Variants in RAPGEF4 observed in about 807,000 individuals in gnomAD.
RAPGEF4 encodes the protein RAP guanine-nucleotide-exchange factor (GEF) 4.
Under a neutral mutation model 147.9 loss-of-function variants are expected in RAPGEF4, and 66 were observed. The observed-to-expected ratio is 0.45, with a 90% confidence interval of 0.37 to 0.55. The LOEUF (loss-of-function observed/expected upper bound fraction) is 0.55. Among genes scored for constraint, RAPGEF4 ranks in the 20% least tolerant of loss-of-function variants. The pLI, the probability that RAPGEF4 is intolerant of heterozygous loss-of-function variation, is 0.00. For synonymous variants in RAPGEF4, 419 were observed against 442.7 expected (o/e 0.95, Z 0.67); for missense variants, 1,071 against 1,257.3 (o/e 0.85, Z 2.24).
Position 172,961,139 on chromosome 2 carries a change from C to T in RAPGEF4, c.609C>T (p.Ile203=). 1 of 1,610,392 alleles carries T rather than the reference C, an allele frequency of 6.2e-7. No homozygotes were observed. Among genetic ancestry groups the T allele is most frequent in the Non-Finnish European group, 8.5e-7 (1 of 1,176,598 alleles). Residue 203 remains isoleucine (I), a synonymous_variant, in exon 8 of 31, where the codon ATC becomes ATT. Coordinates refer to ENST00000397081, the MANE Select transcript of RAPGEF4 (RefSeq NM_007023.4). ...NTITKVPSEK[I]LRAGKILRNA... ...CAATCCAGGTCCCTTCAGAGAAGAT[C>T]CTCAGAGCTGGAAAAATTTTACGAA... is the stretch of plus-strand genomic sequence containing the variant.
intron 1 of RAPGEF4, among the ~76,000 whole-genome samples, chr2:172,751,828 C>CT (rs1695322472): frequency 6.6e-6 from 1 of 152,054 alleles, no homozygotes; most frequent in Non-Finnish European, 1.5e-5. Context: ...GTAACAAGGC[C>CT]TTTTTTTGGG....
intron 10 of RAPGEF4, among the ~76,000 whole-genome samples, chr2:172,973,029 T>C (rs1254336791): frequency 1.3e-5 from 2 of 152,194 alleles, no homozygotes; most frequent in Non-Finnish European, 2.9e-5. Flanking sequence ...TAAATAGGTG[T>C]GTTCTCTGAA....
At chr2:172,936,508 AT>A (rs1355842935) in intron 6 of RAPGEF4, among the ~76,000 whole-genome samples, 10 of 152,046 alleles carry the variant, frequency 6.6e-5, no homozygotes, top group Middle Eastern at 3.4e-3. Context: ...TTTCAATTAA[AT>A]TTTTTTAAGG....
intron 8 of RAPGEF4, among the ~76,000 whole-genome samples, chr2:172,963,619 A>T (rs1314492407): frequency 6.6e-6 from 1 of 152,184 alleles, no homozygotes; most frequent in Non-Finnish European, 1.5e-5. Flanking sequence ...TGTCTGTTCC[A>T]TGCCCTGTGA....
intron 23 of RAPGEF4, among the ~76,000 whole-genome samples, chr2:173,024,227 T>C (rs1236534595): frequency 7.2e-6 from 1 of 139,502 alleles, no homozygotes; most frequent in East Asian, 2.2e-4. Context: ...TATTTTTTTT[T>C]TTTTTTTTGA....
At chr2:172,775,157 G>A (rs1684040489) in intron 1 of RAPGEF4, among the ~76,000 whole-genome samples, 3 of 152,136 alleles carry the variant, frequency 2.0e-5, no homozygotes, top group African/African-American at 7.2e-5. Flanking sequence ...GTATCCTATT[G>A]CTAAATGGAC....
intron 4 of RAPGEF4, among the ~76,000 whole-genome samples, chr2:172,857,764 C>T (rs1186054850): frequency 6.6e-6 from 1 of 151,622 alleles, no homozygotes; most frequent in Non-Finnish European, 1.5e-5. Flanking sequence ...CCTGCAGTCC[C>T]AGATACCTGG....
chr2:172,851,042 A>T (rs1384283561), intron 4 of RAPGEF4, among the ~76,000 whole-genome samples: 1 of 152,122 alleles, frequency 6.6e-6, no homozygotes, highest in Non-Finnish European at 1.5e-5. Context: ...TTAGGTTGTT[A>T]ATCTGAGATC....
chr2:172,748,507 A>G (rs1453964298), intron 1 of RAPGEF4, among the ~76,000 whole-genome samples: 2 of 152,150 alleles, frequency 1.3e-5, no homozygotes, highest in Admixed American at 1.3e-4. Context: ...CTTATCCACT[A>G]CCACAAGAAC....
chr2:172,829,758 C>T (rs957270759), intron 4 of RAPGEF4, among the ~76,000 whole-genome samples: 1 of 149,816 alleles, frequency 6.7e-6, no homozygotes, highest in African/African-American at 2.4e-5. Context: ...GAGCCTTTTG[C>T]CTTTTAGTAA....
At chr2:173,020,514 T>C in intron 22 of RAPGEF4, 104 bp from the exon 23 acceptor site, 4 of 901,472 alleles carry the variant, frequency 4.4e-6, no homozygotes, top group East Asian at 2.4e-5. Context: ...TCACTCTGCG[T>C]GTTCCGGTAA....
At chr2:172,766,445 G>T (rs1034601326) in intron 1 of RAPGEF4, among the ~76,000 whole-genome samples, 1 of 152,032 alleles carries the variant, frequency 6.6e-6, no homozygotes. Flanking sequence ...CCAGCTACTC[G>T]GGAGGCTGAG....
In RAPGEF4 at chr2:172,948,679, C is replaced by A. The variant is rs187643699; in HGVS notation, c.538-12081C>A. Among the ~76,000 whole-genome samples, 542 of 152,266 alleles carry A rather than the reference C, an allele frequency of 3.6e-3. 1 individual carries two copies. Among genetic ancestry groups the A allele is most frequent in the African/African-American group, 0.012 (509 of 41,576 alleles). ...GAACATGGTTGGAGCTGGAGGCCAT[C>A]ATCCTTAGCAAACTAATGCAGGAAC... is the stretch of plus-strand genomic sequence containing the variant. On this transcript the variant is annotated intron_variant, in intron 6 of 30. Transcript: ENST00000397081.
chr2:172,874,246 C>G (rs148550591), intron 4 of RAPGEF4, among the ~76,000 whole-genome samples: 4 of 151,992 alleles, frequency 2.6e-5, no homozygotes, highest in Non-Finnish European at 5.9e-5. Context: ...GACACGTGCA[C>G]GTGTATTTTT....
chr2:172,845,908 G>A (rs1692127033), intron 4 of RAPGEF4, among the ~76,000 whole-genome samples: 1 of 152,100 alleles, frequency 6.6e-6, no homozygotes, highest in South Asian at 2.1e-4. Flanking sequence ...GGCTTTTCAG[G>A]ACAGCACAGT....
intron 4 of RAPGEF4, among the ~76,000 whole-genome samples, chr2:172,867,293 A>T (rs1443514049): frequency 1.3e-5 from 2 of 151,612 alleles, no homozygotes; most frequent in African/African-American, 4.9e-5. Flanking sequence ...TATTAAAAAT[A>T]AAAAAAACCT....
At chr2:172,953,691 A>G (rs1688448021) in intron 6 of RAPGEF4, among the ~76,000 whole-genome samples, 1 of 152,096 alleles carries the variant, frequency 6.6e-6, no homozygotes. Flanking sequence ...AGTCATGTAC[A>G]TGTTTTAAAT....
At chr2:172,853,073 A>AT (rs1291691345) in intron 4 of RAPGEF4, among the ~76,000 whole-genome samples, 1 of 151,922 alleles carries the variant, frequency 6.6e-6, no homozygotes, top group East Asian at 1.9e-4. Context: ...ATTGTTAAGG[A>AT]TGTTTGTGTC....
At chr2:172,975,889 A>C (rs542052956) in intron 10 of RAPGEF4, among the ~76,000 whole-genome samples, 1 of 152,268 alleles carries the variant, frequency 6.6e-6, no homozygotes, top group Non-Finnish European at 1.5e-5. Context: ...TTAATGTTAA[A>C]CTCTTGAGTG....
Sources: allele counts gnomAD v4.1 joint callset (sites outside exome capture counted in the v4.1 genomes callset), GRCh38; gene constraint gnomAD v4.1.1; transcripts MANE v1.5; gene names NCBI Gene and HGNC (gene_info 2026-07-23, HGNC 2026-07-21).